ACAD11: variants seen among roughly 807,000 people sequenced by gnomAD.
ACAD11 encodes acyl-CoA dehydrogenase family member 11, also known as acyl-Coenzyme A dehydrogenase family, member 11.
ACAD11 carries 83 observed loss-of-function variants against 102.2 expected under a neutral mutation model. The observed-to-expected ratio is 0.81, with a 90% CI of 0.68 to 0.97. The LOEUF (loss-of-function observed/expected upper bound fraction) is 0.97. ACAD11 is among the 50% of genes least tolerant of loss of function. ACAD11 has a pLI of 0.00. For synonymous variants in ACAD11, 324 were observed against 319.8 expected, an observed-to-expected ratio of 1.01 and a Z score of -0.14; for missense variants, 901 against 951.7, an observed-to-expected ratio of 0.95 and a Z score of 0.70.
At chr3:132,645,290 C>T (rs1940675529) in intron 1 of ACAD11, among the ~76,000 whole-genome samples, 1 of 152,220 alleles carries the variant, frequency 6.6e-6, no homozygotes, top group Non-Finnish European at 1.5e-5. Context: ...GCAGGAACAG[C>T]TGGCTTAATG....
chr3:132,563,158 ACT>A (rs1426237155), intron 17 of ACAD11, among the ~76,000 whole-genome samples: 1 of 151,926 alleles, frequency 6.6e-6, no homozygotes, highest in Non-Finnish European at 1.5e-5. Flanking sequence ...CTATTCCTGG[ACT>A]CTCTCTTCTG....
Position 132,644,824 on chromosome 3 carries a change from T to C in ACAD11, c.222A>G (p.Pro74=). Residue 74 remains proline, a synonymous_variant, in exon 2 of 20, where the codon CCA becomes CCG. Coordinates refer to ENST00000264990, the MANE Select transcript of ACAD11 (RefSeq NM_032169.5). ...FQTYVLRKKP[P]GSLLPKAHQI... ...GATGTGCTTTAGGAAGAAGTGAACC[T>C]GGTGGTTTTTTCCTGAGCACATATG... 1.2e-6 allele frequency: 2 copies of C among 1,612,246 alleles called. No homozygotes were observed. The highest frequency in any genetic ancestry group is 1.7e-6 in the Non-Finnish European group (2 of 1,179,048).
intron 18 of ACAD11, among the ~76,000 whole-genome samples, chr3:132,560,429 A>T (rs1024687187): frequency 3.3e-5 from 5 of 152,108 alleles, no homozygotes; most frequent in African/African-American, 4.8e-5. Context: ...TATTTGAGAC[A>T]GGCTCTCACT....
At chr3:132,623,900 T>C (rs190658356) in intron 9 of ACAD11, among the ~76,000 whole-genome samples, 105 of 152,244 alleles carry the variant, frequency 6.9e-4, no homozygotes, top group African/African-American at 1.9e-3. Context: ...ACTAGCATGC[T>C]ATCAGATAGG....
At chr3:132,621,915 G>T (rs893087108) in intron 9 of ACAD11, among the ~76,000 whole-genome samples, 1 of 149,948 alleles carries the variant, frequency 6.7e-6, no homozygotes, top group Non-Finnish European at 1.5e-5. Flanking sequence ...GGAAGCAGAG[G>T]TTGCAGTGAG....
intron 13 of ACAD11, among the ~76,000 whole-genome samples, chr3:132,582,421 T>A (rs146648580): frequency 1.8e-4 from 27 of 152,132 alleles, no homozygotes; most frequent in African/African-American, 6.5e-4. Context: ...ATTTTTTCCT[T>A]TGTTACTACT....
intron 1 of ACAD11, among the ~76,000 whole-genome samples, chr3:132,650,688 C>T (rs532332886): frequency 4.6e-5 from 7 of 152,200 alleles, no homozygotes; most frequent in Admixed American, 6.5e-5. Context: ...AACAGTGAGT[C>T]CAGACTACTT....
intron 17 of ACAD11, among the ~76,000 whole-genome samples, chr3:132,568,838 C>G (rs903872725): frequency 7.2e-6 from 1 of 138,160 alleles, no homozygotes; most frequent in Admixed American, 7.0e-5. Context: ...GAAGCTTGAC[C>G]TAAGTTTCAT....
intron 13 of ACAD11, among the ~76,000 whole-genome samples, chr3:132,589,762 A>C (rs1315244975): frequency 6.6e-6 from 1 of 152,162 alleles, no homozygotes; most frequent in African/African-American, 2.4e-5. Flanking sequence ...GGTTTGTTAC[A>C]TAGGTGAACT....
In ACAD11 at chr3:132,633,710, A is replaced by C. The variant is rs150008858; in HGVS notation, c.703-2231T>G. Among the ~76,000 whole-genome samples, 697 of 152,156 alleles carry C rather than the reference A, an allele frequency of 4.6e-3. 8 individuals carry two copies. Among genetic ancestry groups the C allele is most frequent in the African/African-American group, 0.015 (617 of 41,508 alleles). On this transcript the variant is annotated intron_variant, in intron 5 of 19. Transcript: ENST00000264990. ...CATGGTACTGGTACTAAAACAGAGT[A>C]ATAGACCAATGGAACAGAACAGAGC...
chr3:132,622,476 C>T (rs978095674), intron 9 of ACAD11, among the ~76,000 whole-genome samples: 2 of 152,160 alleles, frequency 1.3e-5, no homozygotes, highest in African/African-American at 4.8e-5. Context: ...TTCTCATTTT[C>T]TAATCTCTGA....
At chr3:132,618,018 C>T (rs1182464067) in intron 11 of ACAD11, among the ~76,000 whole-genome samples, 1 of 152,102 alleles carries the variant, frequency 6.6e-6, no homozygotes, top group African/African-American at 2.4e-5. Context: ...ACCCATATTC[C>T]CTGTACTTCA....
At chr3:132,578,175 A>G (rs1482589137) in intron 15 of ACAD11, among the ~76,000 whole-genome samples, 1 of 152,172 alleles carries the variant, frequency 6.6e-6, no homozygotes, top group Admixed American at 6.5e-5. Context: ...CCTGGCCAAC[A>G]TGGTGAAAGC....
intron 1 of ACAD11, among the ~76,000 whole-genome samples, chr3:132,658,958 AT>A (rs1937975056): frequency 6.6e-6 from 1 of 152,238 alleles, no homozygotes; most frequent in Admixed American, 6.5e-5. Context: ...TTTCTGAATG[AT>A]AGGACTCTTT....
intron 11 of ACAD11, among the ~76,000 whole-genome samples, chr3:132,617,791 T>C (rs567311114): frequency 2.0e-4 from 30 of 152,324 alleles, no homozygotes; most frequent in South Asian, 1.9e-3. Flanking sequence ...CTTGCCTCTC[T>C]GATCTCTTCT....
chr3:132,622,935 A>G (rs1196269941), intron 9 of ACAD11, among the ~76,000 whole-genome samples: 1 of 152,244 alleles, frequency 6.6e-6, no homozygotes, highest in Admixed American at 6.5e-5. Context: ...TAGACTCAGC[A>G]GGAAAGTATG....
intron 11 of ACAD11, among the ~76,000 whole-genome samples, chr3:132,617,157 C>G (rs1328724832): frequency 6.6e-6 from 1 of 152,054 alleles, no homozygotes; most frequent in Non-Finnish European, 1.5e-5. Context: ...CATAATCATC[C>G]TACTACAAAT....
In ACAD11 at chr3:132,579,555, G is replaced by A. The variant is rs1341417637; in HGVS notation, c.1625C>T (p.Ala542Val). 1 of 1,612,702 alleles carries A rather than the reference G, an allele frequency of 6.2e-7. No individual in the cohort carries two copies. The highest frequency in any genetic ancestry group is 2.2e-5 in the East Asian group (1 of 44,776). The change falls in exon 14 of 20, where the codon GCT (alanine) becomes GTT (valine). Residue 542 changes from alanine to valine, a missense_variant. Physicochemically the swap from Ala to Val is moderately conservative, Grantham distance 64. Coordinates refer to ENST00000264990, the MANE Select transcript of ACAD11 (RefSeq NM_032169.5). ...TGCAATTTTGCACTTGGGATTCCCAGCTCCTAAAACCAAGGGGAACACAAG... is the reference window on the plus strand; with the variant it reads ...TGCAATTTTGCACTTGGGATTCCCAACTCCTAAAACCAAGGGGAACACAAG... The part of the protein sequence containing the change: ...INGKKWWSSG[A>V]GNPKCKIAIV...
chr3:132,593,446 A>G (rs901403322), intron 13 of ACAD11, among the ~76,000 whole-genome samples: 6 of 152,240 alleles, frequency 3.9e-5, no homozygotes, highest in Non-Finnish European at 8.8e-5. Flanking sequence ...TTTATTATCC[A>G]GTATTCCACA....
Sources: gnomAD v4.1 joint callset for allele counts (sites outside exome capture counted in the v4.1 genomes callset) on GRCh38, gnomAD v4.1.1 for gene constraint, MANE v1.5 for transcripts, NCBI Gene and HGNC (gene_info 2026-07-23, HGNC 2026-07-21) for gene names.